The following WDPCP variants were observed in gnomAD, a reference collection of about 807,000 sequenced individuals.
WDPCP encodes WD repeat-containing and planar cell polarity effector protein fritz homolog.
A neutral mutation model predicts 93.1 loss-of-function variants in WDPCP; 71 were observed. That is an observed-to-expected ratio of 0.76 (90% CI 0.63 to 0.93). The LOEUF (loss-of-function observed/expected upper bound fraction) is 0.93, where lower values mean the gene tolerates loss of function less well. Among genes scored for constraint, WDPCP ranks in the 40% least tolerant of loss-of-function variants. The pLI is 0.00. For missense variants in WDPCP, 844 were observed against 887.4 expected, an observed-to-expected ratio of 0.95 and a Z score of 0.62; for synonymous variants, 315 against 315.0, an observed-to-expected ratio of 1.00 and a Z score of 0.00.
chr2:63,227,415 TG>T (rs982536814), intron 14 of WDPCP, among the ~76,000 whole-genome samples: 6 of 152,146 alleles, frequency 3.9e-5, no homozygotes, highest in Admixed American at 3.9e-4. Context: ...GCTATGTAAG[TG>T]GTGTAAGCAC....
chr2:63,324,335 C>T (rs917476207), intron 12 of WDPCP, among the ~76,000 whole-genome samples: 14 of 152,064 alleles, frequency 9.2e-5, no homozygotes, highest in African/African-American at 3.4e-4. Flanking sequence ...AATGATAAGC[C>T]TCCTCTAATC....
chr2:63,636,256 T>C (rs1435745502), intron 3 of WDPCP, among the ~76,000 whole-genome samples: 2 of 152,198 alleles, frequency 1.3e-5, no homozygotes, highest in Non-Finnish European at 2.9e-5. Context: ...TGGAAGAATA[T>C]TGTTAAAATG....
intron 6 of WDPCP, among the ~76,000 whole-genome samples, chr2:63,455,578 A>G (rs1332925752): frequency 6.6e-6 from 1 of 152,096 alleles, no homozygotes; most frequent in African/African-American, 2.4e-5. Flanking sequence ...AAATAAAAAT[A>G]AAAACAAAGG....
chr2:63,355,698 G>A (rs1451172839), intron 12 of WDPCP, among the ~76,000 whole-genome samples: 2 of 152,046 alleles, frequency 1.3e-5, no homozygotes, highest in African/African-American at 4.8e-5. Flanking sequence ...TGGCCAACAT[G>A]GTGAGACCCC....
intron 2 of WDPCP, among the ~76,000 whole-genome samples, chr2:63,782,817 C>G (rs1356300672): frequency 2.7e-5 from 4 of 149,880 alleles, no homozygotes; most frequent in African/African-American, 9.8e-5. Flanking sequence ...AAAAGGACAA[C>G]CTGGAGCCAT....
At chr2:63,594,658 G>C (rs959171823) in intron 3 of WDPCP, 9 of 1,087,466 alleles carry the variant, frequency 8.3e-6, no homozygotes, top group Non-Finnish European at 1.2e-5. Context: ...GTATTTAGTT[G>C]TACACAAATT....
chr2:63,176,004 A>G (rs1290118306), intron 14 of WDPCP, among the ~76,000 whole-genome samples: 3 of 152,150 alleles, frequency 2.0e-5, no homozygotes, highest in East Asian at 1.9e-4. Flanking sequence ...AGGAAATGCC[A>G]TACTGTTTTC....
chr2:63,622,070 T>C (rs917491367), intron 3 of WDPCP: 45 of 835,852 alleles, frequency 5.4e-5, no homozygotes, highest in Admixed American at 1.4e-4. Flanking sequence ...TTTTTTCTTT[T>C]TTTTTTTTTT....
At chr2:63,428,931 T>C (rs1019798971) in intron 9 of WDPCP, among the ~76,000 whole-genome samples, 17 of 152,112 alleles carry the variant, frequency 1.1e-4, no homozygotes, top group African/African-American at 4.1e-4. Flanking sequence ...TGCTCAGAGA[T>C]TGGAAGAATC....
At chr2:63,545,982 T>C (rs1015208877) in intron 1 of WDPCP, among the ~76,000 whole-genome samples, 1 of 152,138 alleles carries the variant, frequency 6.6e-6, no homozygotes, top group Non-Finnish European at 1.5e-5. Context: ...CCCATGATCC[T>C]AGAGACCAAC....
At chr2:63,680,088 C>G (rs1032649338) in intron 2 of WDPCP, among the ~76,000 whole-genome samples, 1 of 152,190 alleles carries the variant, frequency 6.6e-6, no homozygotes, top group East Asian at 1.9e-4. Context: ...ATATCCCCAT[C>G]AAAACTCATA....
At chr2:63,382,657 C>T (rs966887565) in intron 10 of WDPCP, among the ~76,000 whole-genome samples, 1 of 152,040 alleles carries the variant, frequency 6.6e-6, no homozygotes, top group African/African-American at 2.4e-5. Context: ...CTTTTTATTA[C>T]TATCATCATC....
chr2:63,546,669 GT>G (rs1219976476), intron 1 of WDPCP, among the ~76,000 whole-genome samples: 2 of 152,074 alleles, frequency 1.3e-5, no homozygotes, highest in East Asian at 3.9e-4. Flanking sequence ...AGCAAACAAA[GT>G]TCCTCTTGGA....
At chr2:63,330,201 C>A (rs572299130) in intron 12 of WDPCP, among the ~76,000 whole-genome samples, 14 of 152,282 alleles carry the variant, frequency 9.2e-5, no homozygotes, top group Non-Finnish European at 2.9e-5. Context: ...CTTACATTCC[C>A]CCCAAGTGGT....
At position 63,333,449 on chromosome 2, in the gene WDPCP, A is replaced by G. The variant is rs189926646; in HGVS notation, c.1749-20138T>C. On this transcript the variant is annotated intron_variant, in intron 12 of 17. Coordinates refer to ENST00000272321, the MANE Select transcript of WDPCP (RefSeq NM_015910.7). ...TCCAGGAGATAATCAACTAAGAGCT[A>G]GGAACACGTTTAAGTCCACTAAGAA... 5.5e-3 allele frequency among the ~76,000 whole-genome samples: 842 copies of G among 151,790 alleles called. 22 individuals carry two copies. The highest frequency in any genetic ancestry group is 0.048 in the Admixed American group (728 of 15,252).
At chr2:63,308,833 A>G (rs1237139950) in intron 13 of WDPCP, among the ~76,000 whole-genome samples, 1 of 152,178 alleles carries the variant, frequency 6.6e-6, no homozygotes, top group Non-Finnish European at 1.5e-5. Context: ...TGGCACATGT[A>G]TACCTATGTG....
At chr2:63,465,069 A>G (rs1198910784) in intron 6 of WDPCP, among the ~76,000 whole-genome samples, 1 of 152,052 alleles carries the variant, frequency 6.6e-6, no homozygotes, top group Non-Finnish European at 1.5e-5. Flanking sequence ...AAAAAAATTA[A>G]TTTAAAGTTT....
intron 14 of WDPCP, among the ~76,000 whole-genome samples, chr2:63,184,440 A>G (rs1574823198): frequency 6.6e-6 from 1 of 152,044 alleles, no homozygotes; most frequent in Non-Finnish European, 1.5e-5. Flanking sequence ...AGTGTTTGGG[A>G]AGTACCTTAT....
intron 4 of WDPCP, 106 bp downstream of exon 4, chr2:63,486,435 TA>T (rs1558698876): frequency 9.8e-7 from 1 of 1,016,274 alleles, no homozygotes; most frequent in Non-Finnish European, 1.5e-6. Flanking sequence ...AATAGGAATT[TA>T]AAAAATTTGG....
Sources: allele counts gnomAD v4.1 joint callset (sites outside exome capture counted in the v4.1 genomes callset), GRCh38; gene constraint gnomAD v4.1.1; transcripts MANE v1.5; gene names NCBI Gene and HGNC (gene_info 2026-07-23, HGNC 2026-07-21).